Variants in HEATR4 observed in about 807,000 individuals in gnomAD.
The protein encoded by HEATR4 is HEAT repeat-containing protein 4.
A neutral mutation model predicts 108.8 loss-of-function variants in HEATR4; 95 were observed. The observed-to-expected ratio is 0.87, with a 90% CI of 0.74 to 1.04. The LOEUF is 1.04. Among genes scored for constraint, HEATR4 ranks in the 50% least tolerant of loss-of-function variants. The pLI is 0.00. For missense variants in HEATR4, 1,152 were observed against 1,253.8 expected (o/e 0.92, Z 1.23); for synonymous variants, 443 against 459.4 (o/e 0.96, Z 0.46).
chr14:73,493,168 C>T, intron 16 of HEATR4, 44 bp from the exon 17 acceptor site: 1 of 1,526,724 alleles, frequency 6.5e-7, no homozygotes, highest in Non-Finnish European at 9.1e-7. Flanking sequence ...GGAAAAAAAA[C>T]CCTTGATCCG....
At chr14:73,622,138 T>C in the HEATR4 span, among the ~76,000 whole-genome samples, 1 of 151,952 alleles carries the variant, frequency 6.6e-6, no homozygotes, top group Non-Finnish European at 1.5e-5. Context: ...CCTGCTACTG[T>C]GGAGATGCTC....
chr14:73,612,766 G>A, the HEATR4 span: 1 of 1,370,878 alleles, frequency 7.3e-7, no homozygotes, highest in Non-Finnish European at 9.3e-7. Context: ...TGGAGCGCGC[G>A]CCCGCGCTGG....
chr14:73,615,655 G>A, the HEATR4 span, among the ~76,000 whole-genome samples: 2 of 151,610 alleles, frequency 1.3e-5, no homozygotes, highest in East Asian at 2.0e-4. Flanking sequence ...GCTTGAACCC[G>A]GGGGGAGACG....
At chr14:73,580,839 G>A in the HEATR4 span, 1 of 151,990 alleles carries the variant, frequency 6.6e-6, no homozygotes, top group Admixed American at 6.6e-5. Flanking sequence ...TTCTGAGGGT[G>A]TATTTCAAGA....
chr14:73,537,967 C>T, intron 1 of HEATR4: 1 of 1,022,216 alleles, frequency 9.8e-7, no homozygotes, highest in Non-Finnish European at 1.2e-6. Context: ...TTCGCCCCGC[C>T]CCGCTCTTTT....
Position 73,491,359 on chromosome 14 carries a change from C to T in HEATR4, c.2844+1707G>A, listed in dbSNP as rs555221448. 3.2e-4 allele frequency: 441 copies of T among 1,361,056 alleles called. 4 individuals are homozygous for T. The East Asian group carries it at 8.3e-3, about 26-fold the overall frequency. The allele number at this position is 1,361,056 out of a possible 1,614,324, so 84.3% of individuals were successfully genotyped here. On this transcript the variant is annotated intron_variant, in intron 17 of 17. Transcript: ENST00000553558. Reference sequence around the variant, plus strand: ...TGGAGGCCTCGCCCGCCGCGCGCTCCCTGCAGACCCCGTCGGCGCGCCTGG... The same window carrying T: ...TGGAGGCCTCGCCCGCCGCGCGCTCTCTGCAGACCCCGTCGGCGCGCCTGG...
At chr14:73,574,462 C>T in the HEATR4 span, 1 of 262,364 alleles carries the variant, frequency 3.8e-6, no homozygotes, top group South Asian at 4.8e-5. Flanking sequence ...GATGTTTCAC[C>T]ATGTTGGCCA....
In HEATR4 at chr14:73,492,372, G is replaced by C; in HGVS notation, c.2844+694C>G. The C allele has an allele frequency of 6.2e-7, 1 of 1,613,908 alleles. No homozygotes were observed. Among genetic ancestry groups the C allele is most frequent in the Non-Finnish European group, 8.5e-7 (1 of 1,179,824 alleles). On this transcript the variant is annotated intron_variant, in intron 17 of 17. Transcript: ENST00000553558. This position sits in a 1 kb window ranked among gnomAD's most constrained non-coding sequence, Gnocchi z 4.9. ...ATGGAAGAAAATGTGGAGTTTCGGA[G>C]GGGTCTGCCCCGAGACTTCATGGAT...
At chr14:73,592,244 G>A in the HEATR4 span, 1 of 1,613,232 alleles carries the variant, frequency 6.2e-7, no homozygotes, top group African/African-American at 1.3e-5. Flanking sequence ...GCTTCCTGAA[G>A]CGGGACGTAC....
Position 73,508,048 on chromosome 14 carries a change from G to A in HEATR4, c.1881+86C>T, listed in dbSNP as rs1384210318. On this transcript the variant is annotated intron_variant, in intron 9 of 17. Coordinates refer to ENST00000553558, the MANE Select transcript of HEATR4 (RefSeq NM_001220484.1). Reference sequence around the variant, plus strand: ...GGCATAAGCCACTGCCCCGGCCCCAGCTGCATTTCAGATTGCTTACATTCA... The same window carrying A: ...GGCATAAGCCACTGCCCCGGCCCCAACTGCATTTCAGATTGCTTACATTCA... 3.1e-6 allele frequency: 4 copies of A among 1,289,082 alleles called. No homozygotes were observed. The East Asian group carries it at 9.3e-5, about 30-fold the overall frequency. The allele number at this position is 1,289,082 out of a possible 1,614,324, so 79.9% of individuals were successfully genotyped here.
the HEATR4 span, chr14:73,592,223 G>T: frequency 6.2e-7 from 1 of 1,613,090 alleles, no homozygotes; most frequent in African/African-American, 1.3e-5. Context: ...AACCCGAGAA[G>T]CCTTTTTGGC....
At chr14:73,556,091 C>A (rs1318802129) in intron 1 of HEATR4, among the ~76,000 whole-genome samples, 1 of 113,932 alleles carries the variant, frequency 8.8e-6, no homozygotes, top group Non-Finnish European at 1.9e-5. Flanking sequence ...ATGCAAACAT[C>A]CCAGAAAGAA....
the HEATR4 span, among the ~76,000 whole-genome samples, chr14:73,577,212 G>A: frequency 6.6e-6 from 1 of 151,090 alleles, no homozygotes; most frequent in South Asian, 2.1e-4. Flanking sequence ...AATTACAGGT[G>A]TGAGCCACCG....
At chr14:73,563,427 T>A (rs1312637552), upstream of HEATR4, among the ~76,000 whole-genome samples, 1 of 151,712 alleles carries the variant, frequency 6.6e-6, no homozygotes, top group Non-Finnish European at 1.5e-5. Context: ...AAATCCCATC[T>A]CTACTAAAAA....
At chr14:73,551,180 A>G (rs1168625380) in intron 1 of HEATR4, among the ~76,000 whole-genome samples, 1 of 113,418 alleles carries the variant, frequency 8.8e-6, no homozygotes, top group African/African-American at 2.9e-5. Context: ...AAAAAAAAGA[A>G]TGCAGTTTCC....
the HEATR4 span, among the ~76,000 whole-genome samples, chr14:73,631,222 C>T: frequency 3.9e-5 from 6 of 152,150 alleles, no homozygotes; most frequent in African/African-American, 1.4e-4. Flanking sequence ...AATATGTTCA[C>T]CTGGGTTAAT....
rs1407405159 is a variant in HEATR4 at position 73,537,888 on chromosome 14, C to G, written c.-151-7644G>C. ...CTCTTCCTGCCGCCAGGTGACTCACCTCCGCTAATTGTTCCCCTCTGCCCA... is the reference window on the plus strand; with the variant it reads ...CTCTTCCTGCCGCCAGGTGACTCACGTCCGCTAATTGTTCCCCTCTGCCCA... On this transcript the variant is annotated intron_variant, in intron 1 of 17. Coordinates refer to ENST00000553558, the MANE Select transcript of HEATR4 (RefSeq NM_001220484.1). 2 of 1,188,750 alleles carry G rather than the reference C, an allele frequency of 1.7e-6. 1 individual carries two copies. The highest frequency in any genetic ancestry group is 3.2e-5 in the African/African-American group (2 of 62,250). The allele number at this position is 1,188,750 out of a possible 1,614,324, so 73.6% of individuals were successfully genotyped here. A position where few individuals can be genotyped will look rare whatever the true frequency, so the allele number is the denominator to read the frequency against.
In HEATR4 at chr14:73,509,313, C is replaced by G; in HGVS notation, c.1719G>C (p.Lys573Asn). 1 of 1,614,010 alleles carries G rather than the reference C, an allele frequency of 6.2e-7. No homozygotes were observed. Among genetic ancestry groups the G allele is most frequent in the Non-Finnish European group, 8.5e-7 (1 of 1,179,938 alleles). ...CAGAAGTAACAGGGAGTTACTCACC[C>G]TTCAGAAGGGCAGTCTGCATGATGT... ...ARNIMQTALL[K>N]GNSVDSWAAA... The change falls in exon 8 of 18, where the codon AAG (lysine) becomes AAC (asparagine). Residue 573 changes from lysine to asparagine, a missense_variant and splice_region_variant. By Grantham distance (94) the Lys-to-Asn change is moderately conservative. Transcript: ENST00000553558.
chr14:73,508,160 G>A lies in HEATR4; in HGVS notation c.1855C>T (p.Leu619Phe). ...GTCTTCTCACTCAGATAGCTCAGGAGGATATAAGACTGTTCCTCAGTGTCC... is the reference window on the plus strand; with the variant it reads ...GTCTTCTCACTCAGATAGCTCAGGAAGATATAAGACTGTTCCTCAGTGTCC... ...NEDTEEQSYI[L>F]LSYLSEKTTL... Residue 619 changes from leucine (L) to phenylalanine (F), a missense_variant, in exon 9 of 18, where the codon CTC (leucine) becomes TTC (phenylalanine). Leu to Phe is a conservative substitution (Grantham distance 22). Transcript: ENST00000553558. 1.9e-6 allele frequency: 3 copies of A among 1,614,100 alleles called. No homozygotes were observed. Among genetic ancestry groups the A allele is most frequent in the Non-Finnish European group, 2.5e-6 (3 of 1,179,952 alleles).
Sources: gnomAD v4.1 joint callset for allele counts (sites outside exome capture counted in the v4.1 genomes callset) on GRCh38, gnomAD v4.1.1 for gene constraint, Gnocchi (gnomAD v3.1) non-coding constraint, MANE v1.5 for transcripts, NCBI Gene and HGNC (gene_info 2026-07-23, HGNC 2026-07-21) for gene names.